The following DNAJC5B variants were observed in gnomAD, a reference collection of about 807,000 sequenced individuals.
DNAJC5B encodes the protein dnaJ homolog subfamily C member 5B.
In DNAJC5B, 23 loss-of-function variants were observed where a neutral mutation model predicts 24.7. The ratio of observed to expected loss-of-function variants is 0.93; its 90% CI spans 0.67 to 1.32. DNAJC5B has a LOEUF of 1.32. Ranked by LOEUF, DNAJC5B falls within the 40% of genes most tolerant of loss-of-function variation. DNAJC5B has a pLI of 0.00. For synonymous variants in DNAJC5B, 101 were observed against 90.1 expected, an observed-to-expected ratio of 1.12 and a Z score of -0.68; for missense variants, 238 against 240.8, an observed-to-expected ratio of 0.99 and a Z score of 0.08.
intron 3 of DNAJC5B, among the ~76,000 whole-genome samples, chr8:66,071,337 C>G (rs1807343595): frequency 6.6e-6 from 1 of 152,136 alleles, no homozygotes; most frequent in Non-Finnish European, 1.5e-5. Flanking sequence ...CGACAAAGAA[C>G]TTAAACAAAT....
intron 2 of DNAJC5B, among the ~76,000 whole-genome samples, chr8:66,049,516 T>A (rs923179767): frequency 2.0e-5 from 3 of 152,202 alleles, no homozygotes; most frequent in African/African-American, 7.2e-5. Context: ...AGGTTTGTAG[T>A]CTAGGAGCAA....
At chr8:66,062,032 C>G (rs1162612404) in intron 3 of DNAJC5B, among the ~76,000 whole-genome samples, 4 of 152,238 alleles carry the variant, frequency 2.6e-5, no homozygotes, top group African/African-American at 9.6e-5. Context: ...CAGAGCACTG[C>G]AGCCTCACAG....
intron 5 of DNAJC5B, among the ~76,000 whole-genome samples, chr8:66,092,703 T>C (rs75313449): frequency 0.14 from 21,644 of 152,150 alleles, 2,242 homozygotes; most frequent in African/African-American, 0.29. Flanking sequence ...ATTTATAATC[T>C]TAATGGCATA....
Position 66,051,682 on chromosome 8 carries a change from G to A in DNAJC5B, c.119+16G>A, listed in dbSNP as rs201837203. 10 of 1,574,660 alleles carry A rather than the reference G, an allele frequency of 6.4e-6. No homozygotes were observed. In the African/African-American group the frequency reaches 1.4e-4, roughly 21 times the overall value. On this transcript the variant is annotated intron_variant, in intron 3 of 5. Coordinates refer to ENST00000276570, the MANE Select transcript of DNAJC5B (RefSeq NM_033105.6). ...AAACCTACAGGTACGGATTTCAATG[G>A]TGACATTTCTTCTGCTACTAGTGAG... is the stretch of plus-strand genomic sequence containing the variant.
intron 5 of DNAJC5B, among the ~76,000 whole-genome samples, chr8:66,091,387 TAAG>T (rs750057407): frequency 1.6e-4 from 24 of 151,982 alleles, no homozygotes; most frequent in Middle Eastern, 3.2e-3. Flanking sequence ...CAGAAGACTT[TAAG>T]AAGGAGGAGG....
At chr8:66,056,070 G>A (rs1358192849) in intron 3 of DNAJC5B, among the ~76,000 whole-genome samples, 2 of 152,180 alleles carry the variant, frequency 1.3e-5, no homozygotes, top group Non-Finnish European at 2.9e-5. Context: ...ACAACCAAAA[G>A]AGAACTCTGA....
At chr8:66,087,584 A>G (rs946002304) in intron 5 of DNAJC5B, among the ~76,000 whole-genome samples, 4 of 152,212 alleles carry the variant, frequency 2.6e-5, no homozygotes, top group African/African-American at 9.6e-5. Flanking sequence ...TAAAATCAAA[A>G]GCAAGTTAGT....
At chr8:66,096,521 T>A (rs1214934189) in intron 5 of DNAJC5B, among the ~76,000 whole-genome samples, 1 of 152,170 alleles carries the variant, frequency 6.6e-6, no homozygotes, top group East Asian at 1.9e-4. Flanking sequence ...TCTTTCGATT[T>A]TTGATTTATG....
intron 3 of DNAJC5B, among the ~76,000 whole-genome samples, chr8:66,064,359 G>C (rs1193957503): frequency 2.6e-5 from 4 of 152,144 alleles, no homozygotes; most frequent in African/African-American, 9.7e-5. Flanking sequence ...CTTTGTCACT[G>C]GAACTTAAGC....
At chr8:66,055,348 T>A (rs373309391) in intron 3 of DNAJC5B, among the ~76,000 whole-genome samples, 3 of 152,290 alleles carry the variant, frequency 2.0e-5, no homozygotes, top group African/African-American at 7.2e-5. Context: ...ATCAAAGCAG[T>A]CACAATATAG....
At chr8:66,075,848 CT>C (rs1308091720) in intron 3 of DNAJC5B, among the ~76,000 whole-genome samples, 1 of 152,140 alleles carries the variant, frequency 6.6e-6, no homozygotes, top group Non-Finnish European at 1.5e-5. Context: ...GTGTACTCTA[CT>C]TTTCTGCTTT....
At chr8:66,066,401 C>T (rs1204646007) in intron 3 of DNAJC5B, among the ~76,000 whole-genome samples, 1 of 152,132 alleles carries the variant, frequency 6.6e-6, no homozygotes. Context: ...AGGGAAAGAA[C>T]ACAGTATATC....
At chr8:66,094,595 T>G (rs56163324) in intron 5 of DNAJC5B, among the ~76,000 whole-genome samples, 12,522 of 152,102 alleles carry the variant, frequency 0.082, 869 homozygotes, top group African/African-American at 0.18. Flanking sequence ...GTTTTGATTC[T>G]TCCCCTCCAT....
At chr8:66,085,299 G>A (rs1294791293) in intron 5 of DNAJC5B, among the ~76,000 whole-genome samples, 2 of 152,136 alleles carry the variant, frequency 1.3e-5, no homozygotes, top group African/African-American at 4.8e-5. Flanking sequence ...AATTAGCTGG[G>A]CATGGTGGCA....
intron 5 of DNAJC5B, among the ~76,000 whole-genome samples, chr8:66,084,531 C>G (rs1021827715): frequency 6.6e-6 from 1 of 152,040 alleles, no homozygotes; most frequent in Non-Finnish European, 1.5e-5. Context: ...GGAATCAACC[C>G]TCACCTCTGC....
intron 4 of DNAJC5B, among the ~76,000 whole-genome samples, chr8:66,078,939 C>T (rs1043165663): frequency 6.6e-6 from 1 of 152,106 alleles, no homozygotes; most frequent in Non-Finnish European, 1.5e-5. Context: ...GCACACAAGT[C>T]CTCTTTGTCC....
At chr8:66,019,842 T>G (rs1303981933), upstream of DNAJC5B, among the ~76,000 whole-genome samples, 1 of 152,228 alleles carries the variant, frequency 6.6e-6, no homozygotes, top group Non-Finnish European at 1.5e-5. Context: ...AGCTAAATAT[T>G]TTTCATATCC....
intron 3 of DNAJC5B, among the ~76,000 whole-genome samples, chr8:66,053,326 A>G (rs1376758548): frequency 6.6e-6 from 1 of 152,190 alleles, no homozygotes; most frequent in Admixed American, 6.5e-5. Context: ...TCTACCAGGA[A>G]GGACATGGTG....
intron 3 of DNAJC5B, among the ~76,000 whole-genome samples, chr8:66,070,775 G>A (rs1025976720): frequency 2.6e-5 from 4 of 152,282 alleles, no homozygotes; most frequent in African/African-American, 9.6e-5. Context: ...CAAAGCTGGA[G>A]GCATCATGCT....
Sources: gnomAD v4.1 joint callset for allele counts (sites outside exome capture counted in the v4.1 genomes callset) on GRCh38, gnomAD v4.1.1 for gene constraint, MANE v1.5 for transcripts, NCBI Gene and HGNC (gene_info 2026-07-23, HGNC 2026-07-21) for gene names.